IRAG2: variants seen among roughly 807,000 people sequenced by gnomAD.
IRAG2 encodes the protein lymphoid restricted membrane protein.
Under a neutral mutation model 69.9 loss-of-function variants are expected in IRAG2, and 45 were observed. That is an observed-to-expected ratio of 0.64 (90% CI 0.51 to 0.83). IRAG2 has a LOEUF of 0.83. Among genes scored for constraint, IRAG2 ranks in the 40% least tolerant of loss-of-function variants. The pLI, the probability that IRAG2 is intolerant of heterozygous loss-of-function variation, is 0.00. For synonymous variants in IRAG2, 193 were observed against 202.4 expected (o/e 0.95, Z 0.40); for missense variants, 520 against 587.0 (o/e 0.89, Z 1.18).
intron 15 of IRAG2, chr12:25,100,953 C>T: frequency 2.8e-6 from 1 of 362,190 alleles, no homozygotes; most frequent in Non-Finnish European, 4.9e-6. Context: ...TTCAGCTTTT[C>T]CAGGTCTTAG....
At chr12:25,016,389 G>A (rs781057040) in intron 5 of IRAG2, among the ~76,000 whole-genome samples, 7 of 152,294 alleles carry the variant, frequency 4.6e-5, no homozygotes, top group South Asian at 2.1e-4. Context: ...GGAAAGATGA[G>A]TACTGAATTG....
Position 25,107,996 on chromosome 12 carries a change from C to T in IRAG2, c.1436C>T (p.Thr479Met), listed in dbSNP as rs1482769354. ...AAPTQQEDSW[T>M]SLEHILWPFT... ...CCCACACAGCAAGAGGACTCATGGA[C>T]GTCTCTAGAACATATCTTGTGGCCA... The change falls in exon 22 of 22, where the codon ACG becomes ATG. Residue 479 changes from threonine to methionine, a missense_variant. Transcript: ENST00000556887. The T allele has an allele frequency of 1.1e-5, 17 of 1,614,148 alleles. No homozygotes were observed. Among genetic ancestry groups the T allele is most frequent in the South Asian group, 2.2e-5 (2 of 91,086 alleles).
Position 25,017,355 on chromosome 12 carries a change from C to A in IRAG2, c.1214+63C>A, listed in dbSNP as rs1026490431. The A allele has an allele frequency of 1.2e-5, 14 of 1,181,788 alleles. No homozygotes were observed. The Admixed American group carries it at 5.1e-4, about 43-fold the overall frequency. 73.2% of individuals were successfully genotyped at this position (1,181,788 alleles called of 1,614,324 possible). A position where few individuals can be genotyped will look rare whatever the true frequency, so the allele number is the denominator to read the frequency against. ...ATTTCTTTTTTCTTTTTTTAAAAAA[C>A]CTTTTAAATATTGAGAGTCACACAG... On this transcript the variant is annotated intron_variant, in intron 6 of 38. Coordinates refer to the IRAG2 transcript ENST00000636465.
chr12:25,080,518 A>AT (rs1449122518), intron 9 of IRAG2, among the ~76,000 whole-genome samples: 1 of 151,714 alleles, frequency 6.6e-6, no homozygotes, highest in African/African-American at 2.4e-5. Context: ...CGCCCATCTA[A>AT]TTTTTTTGTA....
At chr12:25,065,089 C>CA (rs35101161) in intron 4 of IRAG2, among the ~76,000 whole-genome samples, 57,008 of 142,630 alleles carry the variant, frequency 0.4, 11,205 homozygotes, top group East Asian at 0.66. Context: ...GACTCAGTCT[C>CA]AAAAAAAAAA....
In IRAG2 at chr12:25,101,161, G is replaced by GT. The variant is rs1948731834; in HGVS notation, c.742-11dup. On this transcript the variant is annotated splice_polypyrimidine_tract_variant and intron_variant, in intron 15 of 21. Coordinates refer to ENST00000556887, the MANE Select transcript of IRAG2 (RefSeq NM_001366544.2). ...TAGTATTTTCAATGTAAATGTGCTC[G>GT]TTTTTTCTCTTGCTAGGAAAGCCGG... 6.3e-7 allele frequency: 1 copy of GT among 1,587,662 alleles called. No individual in the cohort carries two copies. Among genetic ancestry groups the GT allele is most frequent in the Admixed American group, 1.8e-5 (1 of 56,260 alleles).
At chr12:25,050,247 A>C (rs1320591946), upstream of IRAG2, among the ~76,000 whole-genome samples, 1 of 151,718 alleles carries the variant, frequency 6.6e-6, no homozygotes, top group Admixed American at 6.6e-5. Flanking sequence ...AATGTTATGG[A>C]GGGCCGGGTG....
chr12:25,001,682 C>T (rs1287991398), upstream of IRAG2, among the ~76,000 whole-genome samples: 4 of 151,984 alleles, frequency 2.6e-5, no homozygotes, highest in Non-Finnish European at 5.9e-5. Flanking sequence ...AGCCTCATGT[C>T]CAACCTGTGC....
At chr12:25,023,075 G>A (rs1164412580) in intron 7 of IRAG2, among the ~76,000 whole-genome samples, 15 of 148,810 alleles carry the variant, frequency 1.0e-4, no homozygotes, top group African/African-American at 2.2e-4. Context: ...GCAGTGAACC[G>A]AGATCGCACT....
At chr12:25,017,049 G>A in intron 5 of IRAG2, 1 of 1,070,322 alleles carries the variant, frequency 9.3e-7, no homozygotes, top group Non-Finnish European at 1.2e-6. Context: ...GAATATCAAA[G>A]TTTGGTTTGT....
chr12:25,046,770 T>C (rs1944798099), intron 16 of IRAG2, among the ~76,000 whole-genome samples: 1 of 152,168 alleles, frequency 6.6e-6, no homozygotes, highest in Non-Finnish European at 1.5e-5. Context: ...ATCTATAGAT[T>C]CAATGCAATC....
chr12:25,052,296 C>A, upstream of IRAG2: 1 of 395,210 alleles, frequency 2.5e-6, no homozygotes, highest in South Asian at 1.3e-4. Context: ...GGAAGGCATC[C>A]TTAGGAAGAG....
At chr12:25,037,431 T>G (rs1451012402) in intron 15 of IRAG2, among the ~76,000 whole-genome samples, 2 of 152,178 alleles carry the variant, frequency 1.3e-5, no homozygotes, top group Non-Finnish European at 2.9e-5. Context: ...CCCAAGTAGC[T>G]GGGATTACAT....
chr12:25,105,897 T>C (rs1451864474), intron 20 of IRAG2, among the ~76,000 whole-genome samples: 1 of 152,106 alleles, frequency 6.6e-6, no homozygotes, highest in African/African-American at 2.4e-5. Context: ...ATTCTGAGGG[T>C]ATTATGAGCT....
chr12:25,045,737 C>T (rs754889046), intron 16 of IRAG2, among the ~76,000 whole-genome samples: 2 of 151,036 alleles, frequency 1.3e-5, no homozygotes, highest in Non-Finnish European at 3.0e-5. Context: ...AGTAATTAAA[C>T]ACCTCCCAAA....
intron 16 of IRAG2, chr12:25,101,877 TC>T: frequency 3.6e-6 from 2 of 553,772 alleles, no homozygotes; most frequent in Admixed American, 4.4e-5. Flanking sequence ...TGTTCCCTGT[TC>T]TAGAACAGTA....
At chr12:25,036,977 T>A (rs1481328172) in intron 15 of IRAG2, among the ~76,000 whole-genome samples, 1 of 152,234 alleles carries the variant, frequency 6.6e-6, no homozygotes, top group Non-Finnish European at 1.5e-5. Context: ...TAGTCTAAAT[T>A]AAGATTTTTC....
chr12:25,106,947 AAAG>A lies in IRAG2; in HGVS notation c.1155_1157del (p.Lys385_Asp386delinsAsn). On this transcript the variant is annotated inframe_deletion, in exon 21 of 22. Coordinates refer to ENST00000556887, the MANE Select transcript of IRAG2 (RefSeq NM_001366544.2). ...AAAAACAACATTTATTTACAGAACTAAAGATGACTCAGAGCCATCTGGAGAAGA... is the reference window on the plus strand; with the variant it reads ...AAAAACAACATTTATTTACAGAACTAATGACTCAGAGCCATCTGGAGAAGA... 6.5e-7 allele frequency: 1 copy of A among 1,528,768 alleles called. No homozygotes were observed. Among genetic ancestry groups the A allele is most frequent in the East Asian group, 2.3e-5 (1 of 43,434 alleles). The allele number at this position is 1,528,768 out of a possible 1,614,324, so 94.7% of individuals were successfully genotyped here.
chr12:25,052,681 T>C (rs1487248183), upstream of IRAG2: 1 of 397,598 alleles, frequency 2.5e-6, no homozygotes, highest in African/African-American at 2.1e-5. Context: ...GCTTATCACT[T>C]CCCTGAGAAG....
Sources: gnomAD v4.1 joint callset for allele counts (sites outside exome capture counted in the v4.1 genomes callset) on GRCh38, gnomAD v4.1.1 for gene constraint, MANE v1.5 for transcripts, NCBI Gene and HGNC (gene_info 2026-07-23, HGNC 2026-07-21) for gene names.